The following STAU2 variants were observed in gnomAD, a reference collection of about 807,000 sequenced individuals.
STAU2 encodes double-stranded RNA-binding protein Staufen homolog 2.
STAU2 carries 20 observed loss-of-function variants against 65.9 expected under a neutral mutation model. That is an observed-to-expected ratio of 0.30 (90% CI 0.21 to 0.44). STAU2 has a LOEUF of 0.44. STAU2 is among the 20% of genes least tolerant of loss of function. STAU2 has a pLI of 1.00. For missense variants in STAU2, 558 were observed against 683.9 expected, an observed-to-expected ratio of 0.82 and a Z score of 2.05; for synonymous variants, 232 against 233.9, an observed-to-expected ratio of 0.99 and a Z score of 0.07.
At chr8:73,697,422 T>A (rs1819761917) in intron 4 of STAU2, 1 of 152,112 alleles carries the variant, frequency 6.6e-6, no homozygotes, top group African/African-American at 2.4e-5. Flanking sequence ...CTACAAGAAA[T>A]CCTGAAGGGA....
At chr8:73,747,299 C>T (rs1807357815), upstream of STAU2, 1 of 1,473,924 alleles carries the variant, frequency 6.8e-7, no homozygotes, top group South Asian at 1.2e-5. Context: ...GCCCCTTCCA[C>T]ACCTGCAACT....
chr8:73,728,418 T>C (rs998351884), intron 3 of STAU2, among the ~76,000 whole-genome samples: 32 of 150,752 alleles, frequency 2.1e-4, no homozygotes, highest in African/African-American at 7.6e-4. Context: ...TATTTGGATC[T>C]GTTGCAATTC....
At chr8:73,686,545 C>CAT (rs1818838022) in intron 5 of STAU2, among the ~76,000 whole-genome samples, 1 of 146,416 alleles carries the variant, frequency 6.8e-6, no homozygotes, top group Admixed American at 6.8e-5. Context: ...CGAGACTCCC[C>CAT]CTCAAAAAAA....
At chr8:73,480,930 T>C (rs1207925089) in intron 13 of STAU2, among the ~76,000 whole-genome samples, 3 of 152,176 alleles carry the variant, frequency 2.0e-5, no homozygotes, top group South Asian at 2.1e-4. Context: ...TGTGCCATAC[T>C]TGCTGCCACA....
intron 1 of STAU2, among the ~76,000 whole-genome samples, chr8:73,740,111 G>C (rs1322154877): frequency 6.6e-6 from 1 of 152,182 alleles, no homozygotes; most frequent in East Asian, 1.9e-4. Context: ...CCACATGAAT[G>C]AGTTCAGAAA....
At chr8:73,705,313 T>C (rs1820436104) in intron 4 of STAU2, among the ~76,000 whole-genome samples, 1 of 152,172 alleles carries the variant, frequency 6.6e-6, no homozygotes, top group Non-Finnish European at 1.5e-5. Context: ...TGGGCAACTC[T>C]AGCGAAGATT....
intron 13 of STAU2, among the ~76,000 whole-genome samples, chr8:73,456,365 T>C (rs1819067432): frequency 6.6e-6 from 1 of 152,220 alleles, no homozygotes; most frequent in Non-Finnish European, 1.5e-5. Context: ...GAACCTCTCA[T>C]CTTCCATTAC....
intron 13 of STAU2, among the ~76,000 whole-genome samples, chr8:73,497,603 T>G (rs1821496656): frequency 6.6e-6 from 1 of 151,740 alleles, no homozygotes; most frequent in South Asian, 2.1e-4. Flanking sequence ...TAGAACCTAC[T>G]TGCATCACAG....
intron 12 of STAU2, among the ~76,000 whole-genome samples, chr8:73,578,320 CAG>C (rs1339557338): frequency 1.3e-5 from 2 of 152,024 alleles, no homozygotes; most frequent in Non-Finnish European, 2.9e-5. Flanking sequence ...AATGGATCTT[CAG>C]AGACAGACTC....
Position 73,738,264 on chromosome 8 carries a change from A to G in STAU2, c.-18+20T>C, listed in dbSNP as rs761642861. 17 of 1,607,416 alleles carry G rather than the reference A, an allele frequency of 1.1e-5. No homozygotes were observed. The South Asian group carries it at 1.5e-4, about 15-fold the overall frequency. On this transcript the variant is annotated intron_variant, in intron 3 of 14. Transcript: ENST00000524300. Reference sequence around the variant, plus strand: ...CCAAAGCACCATGTAAGCATGAAAAATGCCTTAACACAAACTCACCTGATT... The same window carrying G: ...CCAAAGCACCATGTAAGCATGAAAAGTGCCTTAACACAAACTCACCTGATT...
At chr8:73,588,623 C>A (rs1365572922) in intron 11 of STAU2, among the ~76,000 whole-genome samples, 1 of 152,054 alleles carries the variant, frequency 6.6e-6, no homozygotes, top group Non-Finnish European at 1.5e-5. Context: ...GCCGTTGGGG[C>A]AAAGGCAGGA....
At chr8:73,475,138 T>G (rs59226342) in intron 13 of STAU2, among the ~76,000 whole-genome samples, 3,149 of 152,124 alleles carry the variant, frequency 0.021, 102 homozygotes, top group African/African-American at 0.073. Flanking sequence ...AAGGGGATCA[T>G]GGGGTGGGGG....
intron 13 of STAU2, among the ~76,000 whole-genome samples, chr8:73,474,354 T>G (rs956215893): frequency 8.5e-5 from 13 of 152,182 alleles, no homozygotes; most frequent in African/African-American, 3.1e-4. Flanking sequence ...TGATCAAGTT[T>G]GGGGGATGGG....
chr8:73,651,796 A>C (rs1815900985), intron 6 of STAU2, among the ~76,000 whole-genome samples: 1 of 152,196 alleles, frequency 6.6e-6, no homozygotes. Context: ...ATTTTGAGGA[A>C]ATGCCTCTGA....
At chr8:73,436,349 G>A (rs1252388863) in intron 13 of STAU2, among the ~76,000 whole-genome samples, 3 of 151,660 alleles carry the variant, frequency 2.0e-5, no homozygotes, top group African/African-American at 7.3e-5. Context: ...TCCTAGTGGT[G>A]GGAGGACAGC....
intron 6 of STAU2, among the ~76,000 whole-genome samples, chr8:73,658,043 C>T (rs2130295027): frequency 6.6e-6 from 1 of 151,584 alleles, no homozygotes; most frequent in East Asian, 1.9e-4. Context: ...GCACAATAGT[C>T]ACACTCAGTA....
chr8:73,552,390 C>A, intron 12 of STAU2, 71 bp from the exon 13 acceptor site: 1 of 1,351,922 alleles, frequency 7.4e-7, no homozygotes. Flanking sequence ...ATTATTAACT[C>A]AATGGCTTTA....
chr8:73,571,231 C>T (rs1268962197), intron 12 of STAU2, among the ~76,000 whole-genome samples: 2 of 152,134 alleles, frequency 1.3e-5, no homozygotes, highest in Non-Finnish European at 2.9e-5. Flanking sequence ...TACAGGAGCA[C>T]CCAGATTCAT....
At chr8:73,683,796 G>A (rs1818602514) in intron 5 of STAU2, among the ~76,000 whole-genome samples, 1 of 152,140 alleles carries the variant, frequency 6.6e-6, no homozygotes, top group Non-Finnish European at 1.5e-5. Flanking sequence ...CAAGTCAGTA[G>A]CTCTGCTATA....
Sources: gnomAD v4.1 joint callset for allele counts (sites outside exome capture counted in the v4.1 genomes callset) on GRCh38, gnomAD v4.1.1 for gene constraint, MANE v1.5 for transcripts, NCBI Gene and HGNC (gene_info 2026-07-23, HGNC 2026-07-21) for gene names.